The following ATAD2 variants were observed in gnomAD, a reference collection of about 807,000 sequenced individuals.
ATAD2 encodes ATPase family AAA domain-containing protein 2.
ATAD2 carries 62 observed loss-of-function variants against 168.9 expected under a neutral mutation model. That is an observed-to-expected ratio of 0.37 (90% CI 0.30 to 0.45). ATAD2 has a LOEUF of 0.45. Ranked by LOEUF, ATAD2 falls within the 20% of genes least tolerant of loss-of-function variation. The pLI is 1.00. For synonymous variants in ATAD2, 613 were observed against 571.6 expected, an observed-to-expected ratio of 1.07 and a Z score of -1.03; for missense variants, 1,419 against 1,667.8, an observed-to-expected ratio of 0.85 and a Z score of 2.60.
intron 8 of ATAD2, 99 bp from the exon 9 acceptor site, chr8:123,361,745 A>G (rs1461251550): frequency 2.2e-6 from 2 of 919,032 alleles, no homozygotes; most frequent in African/African-American, 3.3e-5. Flanking sequence ...CAAAAAGTTT[A>G]TCATAAAATT....
At chr8:123,370,149 A>C in intron 6 of ATAD2, 125 bp from the exon 7 acceptor site, 1 of 850,352 alleles carries the variant, frequency 1.2e-6, no homozygotes, top group Non-Finnish European at 1.8e-6. Flanking sequence ...AAAAAAAAAA[A>C]CAACAAAAAA....
chr8:123,341,298 G>A (rs1037166220), intron 19 of ATAD2, among the ~76,000 whole-genome samples: 1 of 152,114 alleles, frequency 6.6e-6, no homozygotes, highest in Non-Finnish European at 1.5e-5. Flanking sequence ...TCTCGAAAAA[G>A]TTTCCCCAGA....
chr8:123,336,612 T>C (rs1227113052), intron 21 of ATAD2, 80 bp from the exon 22 acceptor site: 3 of 1,080,048 alleles, frequency 2.8e-6, no homozygotes, highest in African/African-American at 3.3e-5. Context: ...CCAGGCAATA[T>C]AGGAGATAGA....
In ATAD2 at chr8:123,396,393, A is replaced by G. The variant is rs1325746998; in HGVS notation, c.-36T>C. On this transcript the variant is annotated 5_prime_UTR_variant, in exon 1 of 28. Coordinates refer to ENST00000287394, the MANE Select transcript of ATAD2 (RefSeq NM_014109.4). ...TACTGGCCTCGGCGTGCGCGACCGG[A>G]GAGAGATCCAGCTCCAGGCGCTCGC... is the stretch of plus-strand genomic sequence containing the variant. The G allele has an allele frequency of 8.5e-6, 13 of 1,524,330 alleles. No individual in the cohort carries two copies. Among genetic ancestry groups the G allele is most frequent in the Non-Finnish European group, 9.7e-6 (11 of 1,137,718 alleles). 94.4% of individuals were successfully genotyped at this position (1,524,330 alleles called of 1,614,324 possible).
rs1375014962 is a variant in ATAD2 at position 123,349,442 on chromosome 8, G to C, written c.1649C>G (p.Ser550Cys). ...RSSRQDQIHS[S>C]IVSTLLALMD... ...AAGAGCTAGCAGGGTGGAAACAATA[G>C]AACTAAATTTTAAAAATAAGAGAGA... is the stretch of plus-strand genomic sequence containing the variant. Residue 550 changes from serine to cysteine, a missense_variant and splice_region_variant, in exon 14 of 28, where the codon TCT becomes TGT. Transcript: ENST00000287394. 2.5e-6 allele frequency: 4 copies of C among 1,612,822 alleles called. No homozygotes were observed. Among genetic ancestry groups the C allele is most frequent in the Middle Eastern group, 1.7e-4 (1 of 6,060 alleles).
chr8:123,386,421 CAAAT>C (rs537647239), intron 1 of ATAD2, among the ~76,000 whole-genome samples: 2 of 152,156 alleles, frequency 1.3e-5, no homozygotes, highest in Admixed American at 1.3e-4. Context: ...TCATAAAAGA[CAAAT>C]ATGATTAGTC....
intron 1 of ATAD2, among the ~76,000 whole-genome samples, chr8:123,410,427 C>T (rs1042639671): frequency 3.3e-5 from 5 of 152,248 alleles, no homozygotes; most frequent in South Asian, 2.1e-4. Context: ...GCTGGGATTA[C>T]GGGCATGCGC....
Position 123,349,347 on chromosome 8 carries a change from G to A in ATAD2, c.1744C>T (p.Pro582Ser). The A allele has an allele frequency of 6.2e-7, 1 of 1,614,020 alleles. No homozygotes were observed. The highest frequency in any genetic ancestry group is 8.5e-7 in the Non-Finnish European group (1 of 1,179,988). Residue 582 changes from proline to serine, a missense_variant, in exon 14 of 28, where the codon CCT becomes TCT. Pro to Ser is a moderately conservative substitution (Grantham distance 74, BLOSUM62 -1). Around this residue, in one of 5 missense-constraint regions of ATAD2, gnomAD observed 545 missense variants for 724.9 expected, o/e 0.75. Coordinates refer to ENST00000287394, the MANE Select transcript of ATAD2 (RefSeq NM_014109.4). ...AAGCGACCAGGCCTTCGTAAAGCAG[G>A]ATCTATAGAATCTAGCCTGTTCGTA... ...GATNRLDSIDPALRRPGRFDR... is the reference protein window; with the variant it reads ...GATNRLDSIDSALRRPGRFDR...
intron 10 of ATAD2, 89 bp downstream of exon 10, chr8:123,359,488 A>G: frequency 7.4e-7 from 1 of 1,359,240 alleles, no homozygotes; most frequent in Non-Finnish European, 1.0e-6. Context: ...TTTGACTAAA[A>G]AGAAAAATCA....
chr8:123,363,692 T>C (rs750331853), intron 8 of ATAD2, among the ~76,000 whole-genome samples: 1 of 152,314 alleles, frequency 6.6e-6, no homozygotes, highest in Middle Eastern at 3.4e-3. Context: ...GAACTCACTA[T>C]GTAGTCACAG....
chr8:123,364,627 A>G (rs904707263), intron 8 of ATAD2, among the ~76,000 whole-genome samples: 3 of 152,176 alleles, frequency 2.0e-5, no homozygotes, highest in African/African-American at 7.2e-5. Flanking sequence ...TAACATACTC[A>G]AGTCAATAAA....
In ATAD2 at chr8:123,359,597, G is replaced by T; in HGVS notation, c.1246C>A (p.Pro416Thr). 6.2e-7 allele frequency: 1 copy of T among 1,612,112 alleles called. No individual in the cohort carries two copies. Among genetic ancestry groups the T allele is most frequent in the Non-Finnish European group, 8.5e-7 (1 of 1,178,672 alleles). The change falls in exon 10 of 28, where the codon CCA (proline) becomes ACA (threonine). Residue 416 changes from proline to threonine, a missense_variant. Pro to Thr is a conservative substitution (Grantham distance 38). This residue lies in a region of ATAD2 where 146 missense variants were observed against 188.3 expected (regional missense o/e 0.78). Transcript: ENST00000287394. ...CTCACTGAAGAATCTAGTTGCATTG[G>T]ATCAACATCGGCAAGGCTTGCTCCA... ...KIGASLADVDPMQLDSSVRFD... is the reference protein window; with the variant it reads ...KIGASLADVDTMQLDSSVRFD...
At chr8:123,357,541 T>C (rs202049114) in intron 12 of ATAD2, 21 bp downstream of exon 12, 7 of 1,596,266 alleles carry the variant, frequency 4.4e-6, no homozygotes, top group Middle Eastern at 1.7e-4. Flanking sequence ...TATCCAGATA[T>C]ATAAAATGTT....
intron 17 of ATAD2, 49 bp from the exon 18 acceptor site, chr8:123,346,321 AT>A: frequency 1.4e-6 from 2 of 1,469,208 alleles, no homozygotes; most frequent in South Asian, 2.8e-5. Flanking sequence ...AACAGTTTAA[AT>A]TTTCCCCCTA....
rs1827665383 is a variant in ATAD2 at position 123,328,228 on chromosome 8, G to C, written c.3830C>G (p.Ser1277Cys). Reference protein sequence around the residue: ...KIACNGDASSSQIIHISDENE... With the variant: ...KIACNGDASSCQIIHISDENE... ...TTCATCAGAAATATGTATTATCTGA[G>C]AGCTAGAAGCATCTCCATTACAAGC... Residue 1277 changes from serine to cysteine, a missense_variant, in exon 25 of 28, where the codon TCT becomes TGT. By Grantham distance (112) the Ser-to-Cys change is moderately radical. Coordinates refer to ENST00000287394, the MANE Select transcript of ATAD2 (RefSeq NM_014109.4). 1 of 1,454,384 alleles carries C rather than the reference G, an allele frequency of 6.9e-7. No individual in the cohort carries two copies. The allele number at this position is 1,454,384 out of a possible 1,614,324, so 90.1% of individuals were successfully genotyped here.
rs1397155577 is a variant in ATAD2 at position 123,337,752 on chromosome 8, ACTT to A, written c.2921_2923del (p.Glu974del). 1.4e-5 allele frequency: 23 copies of A among 1,613,612 alleles called. No homozygotes were observed. Among genetic ancestry groups the A allele is most frequent in the African/African-American group, 2.7e-5 (2 of 75,022 alleles). On this transcript the variant is annotated inframe_deletion, in exon 21 of 28. Coordinates refer to ENST00000287394, the MANE Select transcript of ATAD2 (RefSeq NM_014109.4). ...TTCTTCTTGTTCTTCTAGTCGTTTCACTTCTTCTGCTGTCAGTGATCTTGGCTC... is the reference window on the plus strand; with the variant it reads ...TTCTTCTTGTTCTTCTAGTCGTTTCACTTCTGCTGTCAGTGATCTTGGCTC...
At chr8:123,375,698 G>A (rs778143409) in intron 2 of ATAD2, among the ~76,000 whole-genome samples, 23 of 152,172 alleles carry the variant, frequency 1.5e-4, no homozygotes, top group South Asian at 4.1e-4. Flanking sequence ...TGAGCCAGCC[G>A]CAGTGGCTCA....
rs760938615 is a variant in ATAD2, at chr8:123,337,732, C to T, written c.2944G>A (p.Glu982Lys). 1 of 1,613,832 alleles carries T rather than the reference C, an allele frequency of 6.2e-7. No individual in the cohort carries two copies. Among genetic ancestry groups the T allele is most frequent in the African/African-American group, 1.3e-5 (1 of 75,048 alleles). The change falls in exon 21 of 28, where the codon GAA (glutamate) becomes AAA (lysine). Residue 982 changes from glutamate to lysine, a missense_variant. Physicochemically the swap from Glu to Lys is moderately conservative, Grantham distance 56 (BLOSUM62 1). Transcript: ENST00000287394. ...AEEVKRLEEQ[E>K]EDTFRELRIF... ...CTCAGTTCTCTAAATGTATCTTCTT[C>T]TTGTTCTTCTAGTCGTTTCACTTCT...
rs536339389 is a variant in ATAD2, at chr8:123,364,633, A to C, written c.1050-2987T>G. ...GGGATGGTTTAACATACTCAAGTCA[A>C]TAAATGTGATACACCACATAAACAG... On this transcript the variant is annotated intron_variant, in intron 8 of 27. Transcript: ENST00000287394. 2.6e-5 allele frequency among the ~76,000 whole-genome samples: 4 copies of C among 152,330 alleles called. No homozygotes were observed. In the South Asian group the frequency reaches 8.3e-4, roughly 32 times the overall value.
Sources: gnomAD v4.1 joint callset for allele counts (sites outside exome capture counted in the v4.1 genomes callset) on GRCh38, gnomAD v4.1.1 for gene constraint, gnomAD v4.1.1 regional missense constraint, MANE v1.5 for transcripts, NCBI Gene and HGNC (gene_info 2026-07-23, HGNC 2026-07-21) for gene names.